Variants in SSC4D observed in about 807,000 individuals in gnomAD.
The protein encoded by SSC4D is scavenger receptor cysteine-rich domain-containing group B protein.
SSC4D carries 57 observed loss-of-function variants against 63.4 expected under a neutral mutation model. The ratio of observed to expected loss-of-function variants is 0.90; its 90% CI spans 0.73 to 1.12. SSC4D has a LOEUF of 1.12. Among genes scored for constraint, SSC4D ranks in the 50% most tolerant of loss-of-function variants. The pLI, the probability that SSC4D is intolerant of heterozygous loss-of-function variation, is 0.00. For missense variants in SSC4D, 791 were observed against 806.4 expected (o/e 0.98, Z 0.23); for synonymous variants, 352 against 345.4 (o/e 1.02, Z -0.21).
intron 7 of SSC4D, among the ~76,000 whole-genome samples, chr7:76,394,927 T>C (rs1019462095): frequency 1.3e-5 from 2 of 149,180 alleles, no homozygotes; most frequent in Non-Finnish European, 3.0e-5. Context: ...AGGATGGTCT[T>C]TAACTGACCT....
In SSC4D at chr7:76,404,366, C is replaced by G. The variant is rs746196023; in HGVS notation, c.74G>C (p.Gly25Ala). The part of the protein sequence containing the change: ...EKRWGWRLGD[G>A]SAAPPFLPQA... ...GGGGAGGAAGGGAGGGGCAGCACTC[C>G]CATCTCCCAACCTCCACCCCCAGCG... Residue 25 changes from glycine (G) to alanine (A), a missense_variant, in exon 2 of 11, where the codon GGG becomes GCG. Physicochemically the swap from Gly to Ala is moderately conservative, Grantham distance 60. Coordinates refer to ENST00000275560, the MANE Select transcript of SSC4D (RefSeq NM_080744.2). The G allele has an allele frequency of 2.5e-6, 4 of 1,613,650 alleles. No individual in the cohort carries two copies. The highest frequency in any genetic ancestry group is 1.7e-4 in the Middle Eastern group (1 of 5,948).
At chr7:76,394,542 C>G (rs1352874615) in intron 7 of SSC4D, among the ~76,000 whole-genome samples, 1 of 151,548 alleles carries the variant, frequency 6.6e-6, no homozygotes, top group African/African-American at 2.4e-5. Flanking sequence ...TTCCAAGTAG[C>G]TGGGATTACA....
chr7:76,401,116 C>A, intron 2 of SSC4D, 73 bp from the exon 3 acceptor site: 5 of 1,471,914 alleles, frequency 3.4e-6, no homozygotes, highest in Non-Finnish European at 4.5e-6. Flanking sequence ...AACACACCCC[C>A]CAACTCCCAC....
intron 1 of SSC4D, among the ~76,000 whole-genome samples, chr7:76,406,843 C>T (rs1374095818): frequency 6.6e-6 from 1 of 151,552 alleles, no homozygotes; most frequent in Non-Finnish European, 1.5e-5. Context: ...TTGTAAGCAG[C>T]GTTTAGTCTC....
At chr7:76,391,346 C>A (rs1193343730) in intron 10 of SSC4D, among the ~76,000 whole-genome samples, 1 of 151,422 alleles carries the variant, frequency 6.6e-6, no homozygotes, top group African/African-American at 2.4e-5. Flanking sequence ...GAGGCTGAGG[C>A]ACGAGAATCG....
Position 76,394,449 on chromosome 7 carries a change from C to T in SSC4D, c.947-545G>A, listed in dbSNP as rs181103846. The stretch of plus-strand genomic sequence containing the variant: ...TTTGATACAGAGTTTCGCTCTGTCT[C>T]GCCCAGACTGTGGTGCAGTGGCGCA... On this transcript the variant is annotated intron_variant, in intron 7 of 10. Coordinates refer to ENST00000275560, the MANE Select transcript of SSC4D (RefSeq NM_080744.2). Among the ~76,000 whole-genome samples, 1,474 of 150,510 alleles carry T rather than the reference C, an allele frequency of 9.8e-3. 20 individuals carry two copies. Among genetic ancestry groups the T allele is most frequent in the South Asian group, 0.031 (149 of 4,780 alleles).
At chr7:76,395,171 G>A in intron 7 of SSC4D, 82 bp downstream of exon 7, 2 of 1,538,284 alleles carry the variant, frequency 1.3e-6, no homozygotes, top group Admixed American at 1.7e-5. Flanking sequence ...GCCCCCGCCT[G>A]TGAATCCAGA....
At position 76,393,907 on chromosome 7, in the gene SSC4D, G is replaced by C; in HGVS notation, c.947-3C>G. 1 of 1,600,462 alleles carries C rather than the reference G, an allele frequency of 6.2e-7. No homozygotes were observed. The highest frequency in any genetic ancestry group is 8.5e-7 in the Non-Finnish European group (1 of 1,172,760). Reference sequence around the variant, plus strand: ...AGGCTGGGGGCCAACTCCTGTAGCTGTGGAGACAGGGCATCTAGGGCGTTC... The same window carrying C: ...AGGCTGGGGGCCAACTCCTGTAGCTCTGGAGACAGGGCATCTAGGGCGTTC... On this transcript the variant is annotated splice_region_variant and splice_polypyrimidine_tract_variant and intron_variant, in intron 7 of 10. Coordinates refer to ENST00000275560, the MANE Select transcript of SSC4D (RefSeq NM_080744.2).
intron 3 of SSC4D, 88 bp from the exon 4 acceptor site, chr7:76,400,679 A>AT (rs774727687): frequency 1.0e-4 from 135 of 1,332,742 alleles, no homozygotes; most frequent in Admixed American, 3.4e-4. Flanking sequence ...TTTTATTATT[A>AT]TTTTTTTTGG....
chr7:76,408,528 A>G (rs1315629623), intron 1 of SSC4D, among the ~76,000 whole-genome samples: 2 of 151,908 alleles, frequency 1.3e-5, no homozygotes, highest in African/African-American at 4.8e-5. Context: ...ATCAGCCCCC[A>G]CCCTGGGGAC....
rs112960492 is a variant in SSC4D at position 76,391,050 on chromosome 7, T to C, written c.1412-675A>G. Among the ~76,000 whole-genome samples, 567 of 152,050 alleles carry C rather than the reference T, an allele frequency of 3.7e-3. 3 individuals are homozygous for C. The highest frequency in any genetic ancestry group is 0.013 in the African/African-American group (540 of 41,460). On this transcript the variant is annotated intron_variant, in intron 10 of 10. Coordinates refer to ENST00000275560, the MANE Select transcript of SSC4D (RefSeq NM_080744.2). The stretch of plus-strand genomic sequence containing the variant: ...ACTTGGGAGACTGAAGCAGGAGGAT[T>C]GCTTGAGCCCAGGAGGTCCAGGCTG...
intron 2 of SSC4D, among the ~76,000 whole-genome samples, chr7:76,401,504 C>A (rs559966869): frequency 7.2e-5 from 11 of 152,092 alleles, no homozygotes; most frequent in Non-Finnish European, 1.6e-4. Flanking sequence ...GCAGCCTCTT[C>A]CTCTGGGGTT....
At chr7:76,401,114 C>T in intron 2 of SSC4D, 71 bp from the exon 3 acceptor site, 1 of 1,473,958 alleles carries the variant, frequency 6.8e-7, no homozygotes, top group Non-Finnish European at 9.0e-7. Context: ...GGAACACACC[C>T]CCCAACTCCC....
chr7:76,391,889 G>C, intron 10 of SSC4D, 75 bp downstream of exon 10: 1 of 1,437,878 alleles, frequency 7.0e-7, no homozygotes, highest in South Asian at 1.2e-5. Flanking sequence ...TATAACCTAG[G>C]CTGTGACCTC....
chr7:76,398,967 C>T lies in SSC4D; in HGVS notation c.476-170G>A, dbSNP rs149076008. Among the ~76,000 whole-genome samples the T allele has an allele frequency of 4.5e-3, 688 of 152,280 alleles. 7 individuals are homozygous for T. The highest frequency in any genetic ancestry group is 0.016 in the African/African-American group (656 of 41,562). ...GGGTATGAGAGGAGAGGGTCCACAC[C>T]AGAGTCCTGGACTCCTCTAAAGCAC... On this transcript the variant is annotated intron_variant, in intron 4 of 10. Transcript: ENST00000275560.
rs1394582843 is a variant in SSC4D at position 76,400,420 on chromosome 7, C to A, written c.341G>T (p.Gly114Val). ...CAGCAGGATGGGGCCTCGGCCTTGG[C>A]CAAAGGCAAGGGGCCGTGGCACGGG... is the stretch of plus-strand genomic sequence containing the variant. ...ALPVPRPLAF[G>V]QGRGPILLDN... Residue 114 changes from glycine to valine, a missense_variant, in exon 4 of 11, where the codon GGC becomes GTC. Gly to Val is a moderately radical substitution (Grantham distance 109, BLOSUM62 -3). Coordinates refer to ENST00000275560, the MANE Select transcript of SSC4D (RefSeq NM_080744.2). 1.2e-6 allele frequency: 2 copies of A among 1,605,508 alleles called. No individual in the cohort carries two copies. The highest frequency in any genetic ancestry group is 1.7e-6 in the Non-Finnish European group (2 of 1,174,612).
intron 1 of SSC4D, among the ~76,000 whole-genome samples, chr7:76,405,304 TA>T (rs1563686897): frequency 3.1e-4 from 19 of 60,416 alleles, no homozygotes; most frequent in African/African-American, 8.9e-4. Flanking sequence ...TATATATATA[TA>T]TATATATATA....
chr7:76,400,640 C>A, intron 3 of SSC4D, 49 bp from the exon 4 acceptor site: 1 of 1,411,292 alleles, frequency 7.1e-7, no homozygotes, highest in Admixed American at 3.1e-5. Flanking sequence ...GTCCAACCTC[C>A]AGCATGCCCA....
intron 5 of SSC4D, 109 bp from the exon 6 acceptor site, chr7:76,397,941 C>T: frequency 2.7e-6 from 3 of 1,124,716 alleles, no homozygotes; most frequent in South Asian, 1.7e-5. Context: ...GGCATCTGCT[C>T]ACCCCGCTGC....
Sources: allele counts gnomAD v4.1 joint callset (sites outside exome capture counted in the v4.1 genomes callset), GRCh38; gene constraint gnomAD v4.1.1; transcripts MANE v1.5; gene names NCBI Gene and HGNC (gene_info 2026-07-23, HGNC 2026-07-21).